The following BLTP1 variants were observed in gnomAD, a reference collection of about 807,000 sequenced individuals.
BLTP1 encodes fragile site-associated protein.
the BLTP1 span, chr4:122,340,778 G>GT: frequency 3.1e-6 from 3 of 981,706 alleles, no homozygotes; most frequent in Non-Finnish European, 3.6e-6. Flanking sequence ...GGTAGTGTTG[G>GT]TTTTTGAAAA....
At chr4:122,354,983 A>G in the BLTP1 span, among the ~76,000 whole-genome samples, 5 of 152,142 alleles carry the variant, frequency 3.3e-5, no homozygotes, top group South Asian at 1.0e-3. Flanking sequence ...CCTTTTTTCA[A>G]AATGGAAAAG....
the BLTP1 span, chr4:122,207,048 GT>G: frequency 6.8e-7 from 1 of 1,479,012 alleles, no homozygotes; most frequent in Non-Finnish European, 9.1e-7. Context: ...GAAAATCTGT[GT>G]TTTACTTTTC....
the BLTP1 span, chr4:122,288,738 G>GA: frequency 1.7e-6 from 1 of 592,044 alleles, no homozygotes; most frequent in South Asian, 7.5e-5. Flanking sequence ...GACCACAAAA[G>GA]TGGCCATTAA....
At chr4:122,251,000 A>G in the BLTP1 span, 6 of 985,264 alleles carry the variant, frequency 6.1e-6, no homozygotes, top group Non-Finnish European at 7.2e-6. Flanking sequence ...GGCACCTTAT[A>G]TTCAACTCAC....
chr4:122,221,012 AT>A, the BLTP1 span: 380 of 815,840 alleles, frequency 4.7e-4, 3 homozygotes, highest in African/African-American at 6.8e-3. Context: ...TAATTTTATT[AT>A]TTTTTTCATG....
chr4:122,247,022 T>A, the BLTP1 span: 2 of 1,309,886 alleles, frequency 1.5e-6, no homozygotes, highest in Non-Finnish European at 2.0e-6. Context: ...CAGTAAACAT[T>A]GAATAATTTT....
chr4:122,342,544 T>G, the BLTP1 span, among the ~76,000 whole-genome samples: 3 of 152,120 alleles, frequency 2.0e-5, no homozygotes, highest in South Asian at 6.2e-4. Flanking sequence ...TTAGTAGAGA[T>G]GGGGTTTCAC....
the BLTP1 span, chr4:122,194,455 T>A: frequency 1.4e-6 from 1 of 706,500 alleles, no homozygotes; most frequent in Non-Finnish European, 1.7e-6. Flanking sequence ...CCTCTTCTGG[T>A]AAAATTTTCC....
At chr4:122,326,627 G>A in the BLTP1 span, among the ~76,000 whole-genome samples, 1 of 151,484 alleles carries the variant, frequency 6.6e-6, no homozygotes, top group Non-Finnish European at 1.5e-5. Flanking sequence ...CTAACTAGAT[G>A]ATTCTCAAAG....
At chr4:122,348,238 C>T in the BLTP1 span, among the ~76,000 whole-genome samples, 2 of 152,130 alleles carry the variant, frequency 1.3e-5, no homozygotes, top group African/African-American at 2.4e-5. Context: ...GGCAACAGCA[C>T]CTTATGATTT....
chr4:122,249,853 T>C, the BLTP1 span: 4 of 980,508 alleles, frequency 4.1e-6, no homozygotes, highest in Middle Eastern at 5.2e-4. Flanking sequence ...ATTGCTTAAG[T>C]GGAGCTTTTC....
chr4:122,162,735 C>CAAA, the BLTP1 span: 18 of 717,154 alleles, frequency 2.5e-5, no homozygotes, highest in Non-Finnish European at 3.0e-5. Flanking sequence ...ACAACAACAA[C>CAAA]AAAAAAAAAA....
At chr4:122,198,528 A>T in the BLTP1 span, 1 of 797,944 alleles carries the variant, frequency 1.3e-6, no homozygotes, top group Non-Finnish European at 1.5e-6. Flanking sequence ...TTTATGCAGT[A>T]TTATACAAAT....
the BLTP1 span, chr4:122,348,946 G>C: frequency 1.9e-6 from 1 of 532,414 alleles, no homozygotes; most frequent in Non-Finnish European, 3.2e-6. Flanking sequence ...AGGAGAACAG[G>C]GTAATTTTCT....
the BLTP1 span, chr4:122,281,579 G>A: frequency 6.2e-7 from 1 of 1,610,948 alleles, no homozygotes; most frequent in South Asian, 1.1e-5. Context: ...ACTACCTTCT[G>A]AAAAAACCCC....
chr4:122,207,419 G>A, the BLTP1 span: 2 of 1,438,446 alleles, frequency 1.4e-6, no homozygotes, highest in African/African-American at 2.9e-5. Flanking sequence ...TTCAGAGTTT[G>A]TATTGGACTA....
At chr4:122,275,929 C>T in the BLTP1 span, 2 of 1,501,220 alleles carry the variant, frequency 1.3e-6, no homozygotes, top group Admixed American at 2.5e-5. Context: ...GTTTATTTGC[C>T]TCCTTTTTGT....
At chr4:122,263,620 T>G in the BLTP1 span, 1 of 1,529,284 alleles carries the variant, frequency 6.5e-7, no homozygotes, top group South Asian at 1.2e-5. Context: ...TATCACATTA[T>G]TTTGCTTAAC....
At chr4:122,315,734 T>C in the BLTP1 span, 1 of 1,567,368 alleles carries the variant, frequency 6.4e-7, no homozygotes, top group Non-Finnish European at 8.8e-7. Context: ...GCTTTTACCC[T>C]GAGACAGGGA....
Sources: gnomAD v4.1 joint callset for allele counts (sites outside exome capture counted in the v4.1 genomes callset) on GRCh38, gnomAD v4.1.1 for gene constraint, MANE v1.5 for transcripts, NCBI Gene and HGNC (gene_info 2026-07-23, HGNC 2026-07-21) for gene names.